The following PPP3CB variants were observed in gnomAD, a reference collection of about 807,000 sequenced individuals.
PPP3CB encodes serine/threonine-protein phosphatase 2B catalytic subunit beta isoform.
PPP3CB carries 8 observed loss-of-function variants against 66.4 expected under a neutral mutation model. That is an observed-to-expected ratio of 0.12 (90% CI 0.07 to 0.22). The LOEUF is 0.22. Among genes scored for constraint, PPP3CB ranks in the 10% least tolerant of loss-of-function variants. The probability of loss-of-function intolerance (pLI) is 1.00; values close to 1 mark genes in which losing one functional copy is unlikely to be tolerated. For synonymous variants in PPP3CB, 208 were observed against 221.2 expected (o/e 0.94, Z 0.53); for missense variants, 319 against 642.5 (o/e 0.50, Z 5.44).
chr10:73,480,440 A>ATTTTTTTTTTTTTTTTTTTTTT, intron 1 of PPP3CB, among the ~76,000 whole-genome samples: 1 of 123,932 alleles, frequency 8.1e-6, no homozygotes, highest in Non-Finnish European at 1.7e-5. Flanking sequence ...TATCCCTGTA[A>ATTTTTTTTTTTTTTTTTTTTTT]TTTTTTTTTT....
chr10:73,470,244 AAAG>A (rs1308541315), intron 8 of PPP3CB, among the ~76,000 whole-genome samples: 1 of 152,230 alleles, frequency 6.6e-6, no homozygotes, highest in Non-Finnish European at 1.5e-5. Flanking sequence ...TGTGGAGGTA[AAAG>A]AAGGAAATAA....
chr10:73,493,098 AC>A (rs1434697335), intron 1 of PPP3CB, among the ~76,000 whole-genome samples: 1 of 151,926 alleles, frequency 6.6e-6, no homozygotes, highest in African/African-American at 2.4e-5. Context: ...ACATGGTGAA[AC>A]CCCGTCTCTG....
At chr10:73,459,115 A>G (rs1036951005) in intron 9 of PPP3CB, among the ~76,000 whole-genome samples, 2 of 152,182 alleles carry the variant, frequency 1.3e-5, no homozygotes, top group Non-Finnish European at 2.9e-5. Context: ...TTTGGAAAAC[A>G]GTTTGGCAGA....
Position 73,471,161 on chromosome 10 carries a change from A to ACCTGT in PPP3CB, c.717_718insACAGG (p.Leu240ThrfsTer74). 1 of 1,610,504 alleles carries ACCTGT rather than the reference A, an allele frequency of 6.2e-7. No homozygotes were observed. The highest frequency in any genetic ancestry group is 8.5e-7 in the Non-Finnish European group (1 of 1,176,970). On this transcript the variant is annotated frameshift_variant, in exon 6 of 14. Transcript: ENST00000360663. LOFTEE classifies it high-confidence loss of function. Reference sequence around the variant, plus strand: ...AAATCTTCAGAAGGATCGGACCATAACAAGTCACACATTGGTCCAAATGCA... The same window carrying ACCTGT: ...AAATCTTCAGAAGGATCGGACCATAACCTGTCAAGTCACACATTGGTCCAAATGCA...
chr10:73,495,747 G>A, intron 1 of PPP3CB, 58 bp downstream of exon 1: 9 of 1,527,200 alleles, frequency 5.9e-6, no homozygotes, highest in Admixed American at 1.9e-5. Context: ...TCTCCCGCCC[G>A]CCCTCACACA....
At chr10:73,465,213 A>G (rs1564558387) in intron 9 of PPP3CB, among the ~76,000 whole-genome samples, 1 of 152,070 alleles carries the variant, frequency 6.6e-6, no homozygotes, top group African/African-American at 2.4e-5. Flanking sequence ...AAATTTCCCA[A>G]TGTAAGTTAT....
In PPP3CB at chr10:73,438,062, G is replaced by T. The variant is rs2056093653; in HGVS notation, c.*180C>A. On this transcript the variant is annotated 3_prime_UTR_variant, in exon 14 of 14. Coordinates refer to ENST00000360663, the MANE Select transcript of PPP3CB (RefSeq NM_021132.4). Reference sequence around the variant, plus strand: ...TGGCAGCGATGACCCAATCTTATCAGATAGCACATGTCCCAGGGCCCTCAA... The same window carrying T: ...TGGCAGCGATGACCCAATCTTATCATATAGCACATGTCCCAGGGCCCTCAA... 1.7e-6 allele frequency: 1 copy of T among 584,540 alleles called. No individual in the cohort carries two copies. Among genetic ancestry groups the T allele is most frequent in the Non-Finnish European group, 2.8e-6 (1 of 351,480 alleles). 36.2% of individuals were successfully genotyped at this position (584,540 alleles called of 1,614,324 possible). A position where few individuals can be genotyped will look rare whatever the true frequency, so the allele number is the denominator to read the frequency against.
intron 10 of PPP3CB, chr10:73,448,709 G>A (rs1372425407): frequency 1.9e-6 from 1 of 533,168 alleles, no homozygotes; most frequent in East Asian, 5.4e-5. Flanking sequence ...GGAGAGTCCA[G>A]AAAAAAGGAA....
intron 1 of PPP3CB, among the ~76,000 whole-genome samples, chr10:73,483,816 C>T (rs550497235): frequency 9.2e-5 from 14 of 152,142 alleles, no homozygotes; most frequent in African/African-American, 3.4e-4. Flanking sequence ...AAATAAGTTG[C>T]TCAATAGAGA....
chr10:73,453,642 G>T (rs1318699942), intron 10 of PPP3CB, among the ~76,000 whole-genome samples: 4 of 152,088 alleles, frequency 2.6e-5, no homozygotes, highest in Admixed American at 1.3e-4. Flanking sequence ...TTAATACACG[G>T]AAACATTGAA....
intron 12 of PPP3CB, among the ~76,000 whole-genome samples, chr10:73,441,439 A>G (rs1448881079): frequency 5.9e-5 from 9 of 152,136 alleles, no homozygotes; most frequent in African/African-American, 2.4e-5. Flanking sequence ...TCTCCCCCCA[A>G]AAAAAGTTTA....
At chr10:73,488,233 G>A (rs1589720395) in intron 1 of PPP3CB, among the ~76,000 whole-genome samples, 1 of 152,032 alleles carries the variant, frequency 6.6e-6, no homozygotes, top group South Asian at 2.1e-4. Context: ...ATTTTCTTTT[G>A]ACAAAAGGAG....
intron 3 of PPP3CB, among the ~76,000 whole-genome samples, chr10:73,477,892 G>A (rs1183249029): frequency 3.3e-5 from 5 of 151,882 alleles, no homozygotes; most frequent in Non-Finnish European, 7.4e-5. Context: ...ACTCCAGCAT[G>A]GGCCACAGAG....
intron 1 of PPP3CB, 103 bp from the exon 2 acceptor site, chr10:73,479,620 TTTTC>T: frequency 4.4e-6 from 5 of 1,124,986 alleles, no homozygotes; most frequent in Non-Finnish European, 6.1e-6. Flanking sequence ...AAGCAGGGAT[TTTTC>T]TTTCTTCTTC....
At chr10:73,438,948 A>G (rs2056106296) in intron 13 of PPP3CB, among the ~76,000 whole-genome samples, 1 of 151,058 alleles carries the variant, frequency 6.6e-6, no homozygotes, top group Non-Finnish European at 1.5e-5. Context: ...AGGTCAGCCC[A>G]TCGCCACCAA....
At chr10:73,452,909 A>G (rs966427758) in intron 10 of PPP3CB, among the ~76,000 whole-genome samples, 1 of 152,194 alleles carries the variant, frequency 6.6e-6, no homozygotes, top group African/African-American at 2.4e-5. Flanking sequence ...GGGCTTTCAA[A>G]TGTTTAAGAA....
chr10:73,454,398 A>G lies in PPP3CB; in HGVS notation c.1186+14T>C. ...TCACAGTAAAAAAAAAAATAGTAAG[A>G]TGAATAATCATACCATCAAACTGGT... On this transcript the variant is annotated intron_variant, in intron 10 of 13. Coordinates refer to ENST00000360663, the MANE Select transcript of PPP3CB (RefSeq NM_021132.4). The G allele has an allele frequency of 6.3e-7, 1 of 1,586,818 alleles. No individual in the cohort carries two copies. The highest frequency in any genetic ancestry group is 8.6e-7 in the Non-Finnish European group (1 of 1,158,082).
At chr10:73,443,274 A>G (rs368787605) in intron 12 of PPP3CB, among the ~76,000 whole-genome samples, 24 of 118,758 alleles carry the variant, frequency 2.0e-4, no homozygotes, top group African/African-American at 6.6e-4. Context: ...GAGAGAAAGA[A>G]AGAAAGAAAG....
chr10:73,469,795 A>G (rs1331289810), intron 8 of PPP3CB, among the ~76,000 whole-genome samples: 1 of 152,178 alleles, frequency 6.6e-6, no homozygotes, highest in East Asian at 1.9e-4. Flanking sequence ...CTCTCTCTAA[A>G]TGTCCTTTTT....
Sources: gnomAD v4.1 joint callset for allele counts (sites outside exome capture counted in the v4.1 genomes callset) on GRCh38, gnomAD v4.1.1 for gene constraint, MANE v1.5 for transcripts, NCBI Gene and HGNC (gene_info 2026-07-23, HGNC 2026-07-21) for gene names.